CPSF2: variants seen among roughly 807,000 people sequenced by gnomAD.
The protein encoded by CPSF2 is cleavage and polyadenylation specificity factor subunit 2.
Under a neutral mutation model 84.2 loss-of-function variants are expected in CPSF2, and 51 were observed. The observed-to-expected ratio is 0.61, with a 90% CI of 0.48 to 0.77. The LOEUF is 0.77. CPSF2 is among the 30% of genes least tolerant of loss of function. The probability of loss-of-function intolerance (pLI) is 0.00; values close to 1 mark genes in which losing one functional copy is unlikely to be tolerated. For missense variants in CPSF2, 641 were observed against 929.4 expected (o/e 0.69, Z 4.03); for synonymous variants, 286 against 311.9 (o/e 0.92, Z 0.87).
intron 7 of CPSF2, among the ~76,000 whole-genome samples, chr14:92,139,825 C>A (rs1158589983): frequency 5.3e-5 from 8 of 151,956 alleles, no homozygotes; most frequent in African/African-American, 1.9e-4. Context: ...AGGCGTAAAC[C>A]ACTGCACCTG....
At chr14:92,160,503 C>CT (rs760257314) in intron 14 of CPSF2, among the ~76,000 whole-genome samples, 2 of 152,128 alleles carry the variant, frequency 1.3e-5, no homozygotes, top group African/African-American at 2.4e-5. Context: ...GAGAGACAGC[C>CT]TCTGTTGTTG....
At chr14:92,137,432 C>G (rs915987747) in intron 6 of CPSF2, among the ~76,000 whole-genome samples, 2 of 152,142 alleles carry the variant, frequency 1.3e-5, no homozygotes, top group Non-Finnish European at 2.9e-5. Flanking sequence ...TGGTCTTGAA[C>G]TACTGGGCTC....
intron 1 of CPSF2, among the ~76,000 whole-genome samples, chr14:92,125,537 A>G (rs1230950284): frequency 6.6e-6 from 1 of 152,032 alleles, no homozygotes; most frequent in Non-Finnish European, 1.5e-5. Context: ...AATATCCCCA[A>G]AATACAGAAT....
chr14:92,131,265 C>A, intron 3 of CPSF2, 132 bp downstream of exon 3: 7 of 627,700 alleles, frequency 1.1e-5, no homozygotes, highest in Non-Finnish European at 1.8e-5. Flanking sequence ...TTACTTATGC[C>A]AAAAACCTAT....
chr14:92,149,654 A>G (rs965119731), intron 9 of CPSF2, among the ~76,000 whole-genome samples: 24 of 151,842 alleles, frequency 1.6e-4, no homozygotes, highest in Non-Finnish European at 1.0e-4. Flanking sequence ...TCTTTCAGTA[A>G]AAGTTTTTTT....
intron 6 of CPSF2, 36 bp from the exon 7 acceptor site, chr14:92,138,196 G>A: frequency 9.3e-7 from 1 of 1,070,256 alleles, no homozygotes; most frequent in Non-Finnish European, 1.4e-6. Flanking sequence ...TACTTGAAAT[G>A]ATATAAAATA....
At chr14:92,135,250 T>G in intron 5 of CPSF2, 117 bp from the exon 6 acceptor site, 1 of 921,062 alleles carries the variant, frequency 1.1e-6, no homozygotes, top group Non-Finnish European at 1.5e-6. Context: ...TTTTTACTTT[T>G]GAAATTTGTA....
In CPSF2 at chr14:92,154,457, G is replaced by T; in HGVS notation, c.1240G>T (p.Glu414Ter). The T allele has an allele frequency of 6.3e-7, 1 of 1,589,614 alleles. No individual in the cohort carries two copies. ...TGCCAAAAAGCTTGAGCAGTCAAAA[G>T]AGTGAGTCATTTTCAGACAGATTAT... Reference protein sequence around the residue: ...EAAKKLEQSKEADIDSSDESD... With the variant: ...EAAKKLEQSK The change falls in exon 10 of 16, where the codon GAG (glutamate) becomes TAG (stop). Residue 414 changes from glutamate (E) to a stop codon, truncating the protein, a stop_gained and splice_region_variant. Coordinates refer to ENST00000298875, the MANE Select transcript of CPSF2 (RefSeq NM_017437.3). LOFTEE classifies it high-confidence loss of function.
In CPSF2 at chr14:92,157,291, C is replaced by T. The variant is rs755929098; in HGVS notation, c.1596-368C>T. On this transcript the variant is annotated intron_variant, in intron 12 of 15. Transcript: ENST00000298875. This position sits in a 1 kb window ranked among gnomAD's most constrained non-coding sequence, Gnocchi z 4.0. ...GGTAGGCCGAGATAGGCTGATCACT[C>T]GAGATCAGGAGTTTGAGACCAGCCT... 1.3e-5 allele frequency among the ~76,000 whole-genome samples: 2 copies of T among 152,032 alleles called. No individual in the cohort carries two copies. Among genetic ancestry groups the T allele is most frequent in the East Asian group, 1.9e-4 (1 of 5,178 alleles).
chr14:92,161,703 A>G lies in CPSF2; in HGVS notation c.2308A>G (p.Arg770Gly). The G allele has an allele frequency of 1.3e-6, 2 of 1,596,544 alleles. No individual in the cohort carries two copies. Among genetic ancestry groups the G allele is most frequent in the Non-Finnish European group, 1.7e-6 (2 of 1,173,834 alleles). Residue 770 changes from arginine (R) to glycine (G), a missense_variant, in exon 16 of 16, where the codon AGG becomes GGG. Arg to Gly is a moderately radical substitution (Grantham distance 125, BLOSUM62 -2). Transcript: ENST00000298875. Reference sequence around the variant, plus strand: ...AGGCTGCCTTTGTCAAGATTTTTATAGGATAAGAGACCTTTTATATGAACA... The same window carrying G: ...AGGCTGCCTTTGTCAAGATTTTTATGGGATAAGAGACCTTTTATATGAACA... ...LEGCLCQDFY[R>G]IRDLLYEQYA...
At position 92,143,474 on chromosome 14, in the gene CPSF2, G is replaced by A. The variant is rs1000377952; in HGVS notation, c.1140+180G>A. On this transcript the variant is annotated intron_variant, in intron 9 of 15. Transcript: ENST00000298875. ...TGCCAGCTACTCGGGAGGCTGAGGCGGAAGGACCACTCGAGCCCAGGAATT... is the reference window on the plus strand; with the variant it reads ...TGCCAGCTACTCGGGAGGCTGAGGCAGAAGGACCACTCGAGCCCAGGAATT... 2.6e-5 allele frequency among the ~76,000 whole-genome samples: 4 copies of A among 152,188 alleles called. No individual in the cohort carries two copies. The East Asian group carries it at 5.8e-4, about 22-fold the overall frequency.
At position 92,122,083 on chromosome 14, in the gene CPSF2, A is replaced by G. The variant is rs1384580310; in HGVS notation, c.-139A>G. 2.1e-6 allele frequency: 1 copy of G among 478,902 alleles called. No homozygotes were observed. The highest frequency in any genetic ancestry group is 3.8e-6 in the Non-Finnish European group (1 of 262,804). The allele number at this position is 478,902 out of a possible 1,614,324, so 29.7% of individuals were successfully genotyped here. A position where few individuals can be genotyped will look rare whatever the true frequency, so the allele number is the denominator to read the frequency against. Reference sequence around the variant, plus strand: ...CTACGTCTTGAACCTGGATTCGCCTAGGGGTTGGGAAGGGCTGTGGACGGC... The same window carrying G: ...CTACGTCTTGAACCTGGATTCGCCTGGGGGTTGGGAAGGGCTGTGGACGGC... On this transcript the variant is annotated 5_prime_UTR_variant, in exon 1 of 16. Transcript: ENST00000298875.
At chr14:92,133,668 G>A (rs763725365) in intron 3 of CPSF2, among the ~76,000 whole-genome samples, 9 of 145,040 alleles carry the variant, frequency 6.2e-5, no homozygotes, top group Non-Finnish European at 1.4e-4. Flanking sequence ...GTTTTGCCAT[G>A]TTGCCCAGGC....
chr14:92,147,212 C>A (rs2069155117), intron 9 of CPSF2, among the ~76,000 whole-genome samples: 1 of 151,868 alleles, frequency 6.6e-6, no homozygotes, highest in Non-Finnish European at 1.5e-5. Context: ...CATGAATAAT[C>A]AAAAAAGTGA....
At chr14:92,143,367 G>A (rs974653876) in intron 9 of CPSF2, 73 bp downstream of exon 9, 2 of 1,019,466 alleles carry the variant, frequency 2.0e-6, no homozygotes, top group African/African-American at 3.2e-5. Flanking sequence ...AAAAAATAGT[G>A]ACCAAAAATA....
chr14:92,157,592 A>C lies in CPSF2; in HGVS notation c.1596-67A>C. ...AATCCTAGTGTTATATATTGTATAC[A>C]TGATAAAAGCCATTTTTTTTTAGAA... On this transcript the variant is annotated intron_variant, in intron 12 of 15. Coordinates refer to ENST00000298875, the MANE Select transcript of CPSF2 (RefSeq NM_017437.3). This position sits in a 1 kb window ranked among gnomAD's most constrained non-coding sequence, Gnocchi z 4.0. 1.9e-6 allele frequency: 2 copies of C among 1,080,986 alleles called. No individual in the cohort carries two copies. Among genetic ancestry groups the C allele is most frequent in the Non-Finnish European group, 2.7e-6 (2 of 728,758 alleles). 67.0% of individuals were successfully genotyped at this position (1,080,986 alleles called of 1,614,324 possible).
At chr14:92,125,466 A>G (rs2068833778) in intron 1 of CPSF2, among the ~76,000 whole-genome samples, 1 of 152,118 alleles carries the variant, frequency 6.6e-6, no homozygotes, top group Non-Finnish European at 1.5e-5. Flanking sequence ...TGGTCCACTA[A>G]ATACTTTCGC....
chr14:92,122,124 A>C lies in CPSF2; in HGVS notation c.-98A>C, dbSNP rs1432681752. On this transcript the variant is annotated 5_prime_UTR_variant, in exon 1 of 16. Coordinates refer to ENST00000298875, the MANE Select transcript of CPSF2 (RefSeq NM_017437.3). ...TGTGGACGGCGTTGGGGGAGGCCTGACGAGGCAAGTGAGGGCGGGAGAAAG... is the reference window on the plus strand; with the variant it reads ...TGTGGACGGCGTTGGGGGAGGCCTGCCGAGGCAAGTGAGGGCGGGAGAAAG... The C allele has an allele frequency of 1.3e-5, 5 of 393,934 alleles. No homozygotes were observed. Among genetic ancestry groups the C allele is most frequent in the Admixed American group, 7.5e-5 (2 of 26,734 alleles). The allele number at this position is 393,934 out of a possible 1,614,324, so 24.4% of individuals were successfully genotyped here. A position where few individuals can be genotyped will look rare whatever the true frequency, so the allele number is the denominator to read the frequency against.
In CPSF2 at chr14:92,167,848, A is replaced by G. The variant is rs2069468886; in HGVS notation, c.*6104A>G. 6.6e-6 allele frequency: 1 copy of G among 151,006 alleles called. No individual in the cohort carries two copies. The highest frequency in any genetic ancestry group is 1.5e-5 in the Non-Finnish European group (1 of 67,898). 9.4% of individuals were successfully genotyped at this position (151,006 alleles called of 1,614,324 possible). Reference sequence around the variant, plus strand: ...ATGGACTGATTATCACTTAAAGGGTATAAACAGTGGGTAGTAATTCAGTGA... The same window carrying G: ...ATGGACTGATTATCACTTAAAGGGTGTAAACAGTGGGTAGTAATTCAGTGA... On this transcript the variant is annotated 3_prime_UTR_variant, in exon 16 of 16. Coordinates refer to ENST00000298875, the MANE Select transcript of CPSF2 (RefSeq NM_017437.3).
Sources: gnomAD v4.1 joint callset for allele counts (sites outside exome capture counted in the v4.1 genomes callset) on GRCh38, gnomAD v4.1.1 for gene constraint, Gnocchi (gnomAD v3.1) non-coding constraint, MANE v1.5 for transcripts, NCBI Gene and HGNC (gene_info 2026-07-23, HGNC 2026-07-21) for gene names.